Variants in SPTBN1 observed in about 807,000 individuals in gnomAD.
SPTBN1 encodes the protein spectrin beta, non-erythrocytic 1.
Under a neutral mutation model 266.4 loss-of-function variants are expected in SPTBN1, and 32 were observed. The observed-to-expected ratio is 0.12, with a 90% CI of 0.09 to 0.16. SPTBN1 has a LOEUF of 0.16. SPTBN1 is among the 10% of genes least tolerant of loss of function. SPTBN1 has a pLI of 1.00. For missense variants in SPTBN1, 2,296 were observed against 3,067.1 expected (o/e 0.75, Z 5.94); for synonymous variants, 1,336 against 1,162.2 (o/e 1.15, Z -3.04).
intron 29 of SPTBN1, among the ~76,000 whole-genome samples, chr2:54,657,019 C>T (rs1680712598): frequency 6.6e-6 from 1 of 152,236 alleles, no homozygotes; most frequent in South Asian, 2.1e-4. Flanking sequence ...TAGCCAGCTC[C>T]TTGGGACACC....
chr2:54,483,198 G>A (rs1039296379), intron 1 of SPTBN1, among the ~76,000 whole-genome samples: 1 of 152,274 alleles, frequency 6.6e-6, no homozygotes, highest in Admixed American at 6.5e-5. Flanking sequence ...GCCTCTGCTG[G>A]CTCATCTCTA....
chr2:54,525,614 A>G (rs1318021608), intron 1 of SPTBN1, among the ~76,000 whole-genome samples: 1 of 152,276 alleles, frequency 6.6e-6, no homozygotes, highest in Non-Finnish European at 1.5e-5. Context: ...TCTCTTATAT[A>G]ACATTTTATG....
intron 1 of SPTBN1, among the ~76,000 whole-genome samples, chr2:54,463,409 C>T (rs1439280743): frequency 1.3e-5 from 2 of 152,214 alleles, no homozygotes; most frequent in Non-Finnish European, 2.9e-5. Context: ...GCACAATCCT[C>T]AGTGGAGCTG....
Position 54,668,603 on chromosome 2 carries a change from C to CT in SPTBN1, c.*38dup. On this transcript the variant is annotated 3_prime_UTR_variant, in exon 36 of 36. Transcript: ENST00000356805. ...CCTTCACCTCCTGCCCTTCTCTTAC[C>CT]TTTTCAGTGAAATTCCAGCATGCAA... 1 of 1,562,814 alleles carries CT rather than the reference C, an allele frequency of 6.4e-7. No homozygotes were observed. The highest frequency in any genetic ancestry group is 8.7e-7 in the Non-Finnish European group (1 of 1,150,650).
At chr2:54,561,674 T>C (rs975867795) in intron 2 of SPTBN1, among the ~76,000 whole-genome samples, 1 of 150,212 alleles carries the variant, frequency 6.7e-6, no homozygotes, top group African/African-American at 2.4e-5. Context: ...ATTTATAGTT[T>C]ATAAATTTAT....
At position 54,646,235 on chromosome 2, in the gene SPTBN1, C is replaced by T. The variant is rs370830282; in HGVS notation, c.4626C>T (p.Asp1542=). Residue 1542 remains aspartate, a synonymous_variant, in exon 23 of 36, where the codon GAC becomes GAT. Coordinates refer to ENST00000356805, the MANE Select transcript of SPTBN1 (RefSeq NM_003128.3). This position sits in a 1 kb window ranked among gnomAD's most constrained non-coding sequence, Gnocchi z 4.4. The stretch of plus-strand genomic sequence containing the variant: ...TCCAGGGGCACCAGCCTCGCATTGA[C>T]GACATCTTTGAGAGGAGCCAAAACA... The part of the protein sequence containing the change: ...KEIQGHQPRI[D]DIFERSQNIV... 63 of 1,613,676 alleles carry T rather than the reference C, an allele frequency of 3.9e-5. No homozygotes were observed. Among genetic ancestry groups the T allele is most frequent in the African/African-American group, 1.5e-4 (11 of 75,024 alleles).
chr2:54,649,100 C>G lies in SPTBN1; in HGVS notation c.5112C>G (p.Asn1704Lys). Residue 1704 changes from asparagine to lysine, a missense_variant, in exon 25 of 36, where the codon AAC (asparagine) becomes AAG (lysine). This residue lies in a region of SPTBN1 where 644 missense variants were observed against 745.3 expected (regional missense o/e 0.86). Coordinates refer to ENST00000356805, the MANE Select transcript of SPTBN1 (RefSeq NM_003128.3). The surrounding 1 kb of genome is among the most constrained non-coding windows in gnomAD (Gnocchi z 6.7). ...LDERHRLFQL[N>K]REVDDLEQWI... Reference sequence around the variant, plus strand: ...AGAGACACAGGTTATTCCAGCTCAACCGGGAGGTGGACGACCTGGAGCAGT... The same window carrying G: ...AGAGACACAGGTTATTCCAGCTCAAGCGGGAGGTGGACGACCTGGAGCAGT... 1 of 1,614,124 alleles carries G rather than the reference C, an allele frequency of 6.2e-7. No individual in the cohort carries two copies. The highest frequency in any genetic ancestry group is 1.7e-5 in the Admixed American group (1 of 60,024).
chr2:54,503,991 C>T (rs1669418067), intron 1 of SPTBN1, among the ~76,000 whole-genome samples: 1 of 152,190 alleles, frequency 6.6e-6, no homozygotes, highest in Admixed American at 6.5e-5. Flanking sequence ...TCACCAACTA[C>T]TCTTCTGAGT....
chr2:54,477,413 TTTAA>T (rs1248285255), intron 1 of SPTBN1, among the ~76,000 whole-genome samples: 1 of 152,102 alleles, frequency 6.6e-6, no homozygotes, highest in Non-Finnish European at 1.5e-5. Context: ...TTTTTTTTTT[TTTAA>T]TTAATTAATT....
intron 1 of SPTBN1, among the ~76,000 whole-genome samples, chr2:54,464,778 C>A (rs971448976): frequency 6.6e-6 from 1 of 152,192 alleles, no homozygotes; most frequent in Non-Finnish European, 1.5e-5. Context: ...CAGCCTTGAC[C>A]TCCTGGGTTC....
rs546471713 is a variant in SPTBN1, at chr2:54,655,820, T to G, written c.5962-94T>G. 3.3e-6 allele frequency: 3 copies of G among 901,652 alleles called. No individual in the cohort carries two copies. In the South Asian group the frequency reaches 4.5e-5, roughly 14 times the overall value. 55.9% of individuals were successfully genotyped at this position (901,652 alleles called of 1,614,324 possible). ...TATCTCCCAGCTTAATGGTGGTCTT[T>G]GCAGAAAATGTATTTTTCTAGTATA... On this transcript the variant is annotated intron_variant, in intron 28 of 35. Transcript: ENST00000356805.
chr2:54,618,124 T>C lies in SPTBN1; in HGVS notation c.694T>C (p.Tyr232His). The change falls in exon 7 of 36, where the codon TAC (tyrosine) becomes CAC (histidine). Residue 232 changes from tyrosine (Y) to histidine (H), a missense_variant. Tyr to His is a moderately conservative substitution (Grantham distance 83). This residue lies in a region of SPTBN1 where 178 missense variants were observed against 375.7 expected (regional missense o/e 0.47). Coordinates refer to ENST00000356805, the MANE Select transcript of SPTBN1 (RefSeq NM_003128.3). ...FDKLKKSNAH[Y>H]NLQNAFNLAE... The stretch of plus-strand genomic sequence containing the variant: ...CAAACTAAAGAAATCTAACGCACAC[T>C]ACAACCTGCAGAATGCATTTAATCT... 1.9e-6 allele frequency: 3 copies of C among 1,614,216 alleles called. No homozygotes were observed. Among genetic ancestry groups the C allele is most frequent in the Non-Finnish European group, 2.5e-6 (3 of 1,180,036 alleles).
chr2:54,457,201 T>C, intron 1 of SPTBN1: 1 of 125,522 alleles, frequency 8.0e-6, no homozygotes, highest in Admixed American at 9.2e-5. Flanking sequence ...GGGCTGGGCG[T>C]GAGCCGCCTC....
At chr2:54,596,476 T>C (rs1188067798) in intron 2 of SPTBN1, among the ~76,000 whole-genome samples, 3 of 152,090 alleles carry the variant, frequency 2.0e-5, no homozygotes, top group African/African-American at 7.2e-5. Context: ...CTGCCCCTCG[T>C]GTGTTATGAG....
intron 2 of SPTBN1, among the ~76,000 whole-genome samples, chr2:54,545,781 G>A (rs981263279): frequency 2.6e-5 from 4 of 152,044 alleles, no homozygotes; most frequent in African/African-American, 9.7e-5. Flanking sequence ...GGGTGGGCTG[G>A]ATGGATTCTG....
intron 2 of SPTBN1, among the ~76,000 whole-genome samples, chr2:54,552,242 C>G (rs1301590385): frequency 2.0e-5 from 3 of 152,124 alleles, no homozygotes; most frequent in Admixed American, 1.3e-4. Context: ...TGAAATTTCT[C>G]CTATGAGGAG....
chr2:54,518,512 C>T (rs1252118215), intron 1 of SPTBN1, among the ~76,000 whole-genome samples: 1 of 148,694 alleles, frequency 6.7e-6, no homozygotes, highest in Non-Finnish European at 1.5e-5. Context: ...GGCAACTGAA[C>T]AGTTGAGATA....
At chr2:54,553,294 G>A (rs758390169) in intron 2 of SPTBN1, among the ~76,000 whole-genome samples, 1 of 152,166 alleles carries the variant, frequency 6.6e-6, no homozygotes, top group Non-Finnish European at 1.5e-5. Flanking sequence ...AATGATCTCA[G>A]TTAAGGATTC....
intron 29 of SPTBN1, 124 bp from the exon 30 acceptor site, chr2:54,657,726 G>C (rs533092647): frequency 5.2e-6 from 6 of 1,148,790 alleles, no homozygotes; most frequent in Admixed American, 4.4e-5. Flanking sequence ...GGCTAATTTA[G>C]AGTAGACGAT....
Sources: gnomAD v4.1 joint callset for allele counts (sites outside exome capture counted in the v4.1 genomes callset) on GRCh38, gnomAD v4.1.1 for gene constraint, gnomAD v4.1.1 regional missense constraint, Gnocchi (gnomAD v3.1) non-coding constraint, MANE v1.5 for transcripts, NCBI Gene and HGNC (gene_info 2026-07-23, HGNC 2026-07-21) for gene names.